The following CNTLN variants were observed in gnomAD, a reference collection of about 807,000 sequenced individuals.
The protein encoded by CNTLN is centlein, centrosomal protein.
CNTLN carries 212 observed loss-of-function variants against 180.0 expected under a neutral mutation model. The observed-to-expected ratio is 1.18, with a 90% CI of 1.05 to 1.32. The LOEUF (loss-of-function observed/expected upper bound fraction) is 1.32, where lower values mean the gene tolerates loss of function less well. Ranked by LOEUF, CNTLN falls within the 40% of genes most tolerant of loss-of-function variation. The pLI is 0.00. For synonymous variants in CNTLN, 722 were observed against 563.1 expected (o/e 1.28, Z -3.99); for missense variants, 2,095 against 1,610.9 (o/e 1.30, Z -5.14).
chr9:17,215,673 G>T (rs1045432518), intron 2 of CNTLN, among the ~76,000 whole-genome samples: 8 of 152,120 alleles, frequency 5.3e-5, no homozygotes, highest in Non-Finnish European at 1.2e-4. Flanking sequence ...AGGCTGGCAG[G>T]CCTCCTTGAA....
chr9:17,140,144 A>G (rs1243992345), intron 1 of CNTLN, among the ~76,000 whole-genome samples: 1 of 150,702 alleles, frequency 6.6e-6, no homozygotes, highest in Non-Finnish European at 1.5e-5. Context: ...TCGGGGGGGG[A>G]CTTTATTTTT....
At chr9:17,241,049 G>T (rs979891104) in intron 5 of CNTLN, among the ~76,000 whole-genome samples, 8 of 151,958 alleles carry the variant, frequency 5.3e-5, no homozygotes, top group African/African-American at 1.9e-4. Flanking sequence ...TAGTAGAGAC[G>T]GGGTTTCATC....
At chr9:17,510,359 A>G in the CNTLN span, among the ~76,000 whole-genome samples, 1 of 152,232 alleles carries the variant, frequency 6.6e-6, no homozygotes, top group Non-Finnish European at 1.5e-5. Context: ...CCATATTTTG[A>G]AATGAATATG....
intron 2 of CNTLN, among the ~76,000 whole-genome samples, chr9:17,184,878 G>T (rs950151538): frequency 1.3e-5 from 2 of 152,142 alleles, no homozygotes; most frequent in Admixed American, 1.3e-4. Flanking sequence ...AATTATTACC[G>T]TATTTTTCTA....
At chr9:17,162,482 C>T (rs919522193) in intron 2 of CNTLN, among the ~76,000 whole-genome samples, 8 of 152,132 alleles carry the variant, frequency 5.3e-5, no homozygotes, top group African/African-American at 1.9e-4. Context: ...AATAGCATTG[C>T]CTTAAGTTCC....
chr9:17,246,813 C>T (rs79647887), intron 5 of CNTLN, among the ~76,000 whole-genome samples: 2,717 of 152,270 alleles, frequency 0.018, 94 homozygotes, highest in African/African-American at 0.062. Flanking sequence ...TCTCTCCACA[C>T]GTCCATCACC....
At chr9:17,331,606 C>A (rs1327854256) in intron 9 of CNTLN, among the ~76,000 whole-genome samples, 1 of 151,724 alleles carries the variant, frequency 6.6e-6, no homozygotes, top group Non-Finnish European at 1.5e-5. Context: ...TTGTTTCTTT[C>A]CATTTTTTCT....
intron 18 of CNTLN, among the ~76,000 whole-genome samples, chr9:17,440,568 G>A (rs1265590620): frequency 2.9e-5 from 4 of 139,406 alleles, no homozygotes; most frequent in Non-Finnish European, 4.5e-5. Flanking sequence ...CAGCCTGGGC[G>A]ACGGAGCGAG....
intron 13 of CNTLN, among the ~76,000 whole-genome samples, chr9:17,379,301 T>C (rs2133572230): frequency 6.6e-6 from 1 of 152,206 alleles, no homozygotes; most frequent in South Asian, 2.1e-4. Context: ...CTTAAATGCA[T>C]GTGCTGATTA....
intron 13 of CNTLN, among the ~76,000 whole-genome samples, chr9:17,381,040 C>A (rs565609183): frequency 6.6e-6 from 1 of 152,210 alleles, no homozygotes; most frequent in Admixed American, 6.5e-5. Context: ...TTAAATACAG[C>A]CAACAACAAT....
the CNTLN span, among the ~76,000 whole-genome samples, chr9:17,511,231 G>A: frequency 1.3e-5 from 2 of 152,264 alleles, no homozygotes; most frequent in South Asian, 4.1e-4. Context: ...AATTGGATCA[G>A]ACATATATAA....
intron 10 of CNTLN, among the ~76,000 whole-genome samples, chr9:17,340,322 C>G (rs548089525): frequency 2.0e-5 from 3 of 152,142 alleles, no homozygotes; most frequent in Non-Finnish European, 4.4e-5. Context: ...TATGCTCCTT[C>G]TAACATAGGG....
At chr9:17,182,183 G>A (rs75374128) in intron 2 of CNTLN, among the ~76,000 whole-genome samples, 3,065 of 149,122 alleles carry the variant, frequency 0.021, 105 homozygotes, top group African/African-American at 0.072. Flanking sequence ...TTTTTCCTTT[G>A]GTACTTGTCA....
intron 13 of CNTLN, among the ~76,000 whole-genome samples, chr9:17,387,786 A>G (rs1387757259): frequency 6.6e-6 from 1 of 152,102 alleles, no homozygotes; most frequent in East Asian, 1.9e-4. Context: ...GGCAGGGAAC[A>G]AGATCCAGAG....
intron 5 of CNTLN, among the ~76,000 whole-genome samples, chr9:17,261,647 G>A (rs960823066): frequency 6.6e-6 from 1 of 151,244 alleles, no homozygotes; most frequent in South Asian, 2.1e-4. Context: ...TTTCCTATTT[G>A]TATGTCATTT....
intron 12 of CNTLN, among the ~76,000 whole-genome samples, chr9:17,359,741 A>AC: frequency 8.2e-6 from 1 of 122,624 alleles, no homozygotes; most frequent in African/African-American, 2.8e-5. Context: ...AAAAAAAAAA[A>AC]AAAAAAAAAC....
intron 5 of CNTLN, among the ~76,000 whole-genome samples, chr9:17,238,190 CTTCTG>C (rs1825271128): frequency 6.6e-6 from 1 of 151,974 alleles, no homozygotes; most frequent in African/African-American, 2.4e-5. Flanking sequence ...TTATAAATAC[CTTCTG>C]TTCTACAGAC....
At chr9:17,259,942 AT>A (rs1321555564) in intron 5 of CNTLN, among the ~76,000 whole-genome samples, 17 of 136,428 alleles carry the variant, frequency 1.2e-4, no homozygotes, top group African/African-American at 5.3e-4. Flanking sequence ...GGATTCATTA[AT>A]TTTTTGAAGG....
At chr9:17,239,048 G>A (rs776921116) in intron 5 of CNTLN, among the ~76,000 whole-genome samples, 2 of 152,016 alleles carry the variant, frequency 1.3e-5, no homozygotes, top group Non-Finnish European at 2.9e-5. Context: ...TTATTTGTTC[G>A]TTTGTTTGAG....
Sources: allele counts gnomAD v4.1 joint callset (sites outside exome capture counted in the v4.1 genomes callset), GRCh38; gene constraint gnomAD v4.1.1; transcripts MANE v1.5; gene names NCBI Gene and HGNC (gene_info 2026-07-23, HGNC 2026-07-21).